The following PTP4A1 variants were observed in gnomAD, a reference collection of about 807,000 sequenced individuals.
The protein encoded by PTP4A1 is protein tyrosine phosphatase 4A1.
A neutral mutation model predicts 20.5 loss-of-function variants in PTP4A1; 9 were observed. That is an observed-to-expected ratio of 0.44 (90% CI 0.26 to 0.77). PTP4A1 has a LOEUF of 0.77. Ranked by LOEUF, PTP4A1 falls within the 30% of genes least tolerant of loss-of-function variation. The pLI is 0.19. For missense variants in PTP4A1, 137 were observed against 218.8 expected, an observed-to-expected ratio of 0.63 and a Z score of 2.36; for synonymous variants, 78 against 67.4, an observed-to-expected ratio of 1.16 and a Z score of -0.77.
At chr6:63,535,688 G>C (rs1775687296) in intron 2 of PTP4A1, among the ~76,000 whole-genome samples, 2 of 152,160 alleles carry the variant, frequency 1.3e-5, no homozygotes, top group Non-Finnish European at 2.9e-5. Flanking sequence ...ATTTATAGTA[G>C]TTTTGATGAG....
chr6:63,548,555 T>A (rs1408981263), intron 2 of PTP4A1, among the ~76,000 whole-genome samples: 1 of 152,128 alleles, frequency 6.6e-6, no homozygotes, highest in Admixed American at 6.5e-5. Context: ...CTTCTATTCC[T>A]CTCTCCAAGC....
At chr6:63,524,877 A>G (rs188470514) in intron 1 of PTP4A1, among the ~76,000 whole-genome samples, 3 of 152,344 alleles carry the variant, frequency 2.0e-5, no homozygotes, top group East Asian at 3.9e-4. Context: ...CACAATGGAC[A>G]AATTTTTAAA....
upstream of PTP4A1, among the ~76,000 whole-genome samples, chr6:63,520,901 C>T (rs1289127514): frequency 6.6e-6 from 1 of 151,934 alleles, no homozygotes; most frequent in African/African-American, 2.4e-5. Flanking sequence ...TACTATGCAG[C>T]CATAAAAAAG....
chr6:63,565,146 A>G (rs1202587780), intron 3 of PTP4A1, among the ~76,000 whole-genome samples: 1 of 152,036 alleles, frequency 6.6e-6, no homozygotes, highest in Non-Finnish European at 1.5e-5. Flanking sequence ...CGAGGGAGCT[A>G]CAACTACAGG....
In PTP4A1 at chr6:63,581,899, A is replaced by G. The variant is rs140927727; in HGVS notation, c.*1725A>G. ...TGTTAAGTTTCCTTTAATGATCCAC[A>G]ATAATCCCTTTGATCACGTTAATCT... is the stretch of plus-strand genomic sequence containing the variant. On this transcript the variant is annotated 3_prime_UTR_variant, in exon 6 of 6. Coordinates refer to ENST00000626021, the MANE Select transcript of PTP4A1 (RefSeq NM_003463.5). 106 of 152,300 alleles carry G rather than the reference A, an allele frequency of 7.0e-4. 2 individuals are homozygous for G. In the East Asian group the frequency reaches 0.019, roughly 27 times the overall value. The allele number at this position is 152,300 out of a possible 1,614,324, so 9.4% of individuals were successfully genotyped here. A position where few individuals can be genotyped will look rare whatever the true frequency, so the allele number is the denominator to read the frequency against.
intron 3 of PTP4A1, among the ~76,000 whole-genome samples, chr6:63,553,454 C>T (rs942026313): frequency 1.3e-5 from 2 of 152,180 alleles, no homozygotes; most frequent in Non-Finnish European, 2.9e-5. Flanking sequence ...TAACCAGTTA[C>T]ATGGGTGGCC....
chr6:63,566,000 T>C (rs1777175217), intron 3 of PTP4A1, among the ~76,000 whole-genome samples: 1 of 152,242 alleles, frequency 6.6e-6, no homozygotes. Flanking sequence ...AAACAGGTAT[T>C]ACAATAAAGG....
At position 63,530,738 on chromosome 6, in the gene PTP4A1, G is replaced by C. The variant is rs115670859; in HGVS notation, c.-640+2654G>C. On this transcript the variant is annotated intron_variant, in intron 2 of 3. Transcript: ENST00000639568. ...GAAGTACATCAAAATGAAATTTCTA[G>C]AGGCATACCTGAATTCATTTTTTCT... is the stretch of plus-strand genomic sequence containing the variant. 1.7e-3 allele frequency among the ~76,000 whole-genome samples: 254 copies of C among 152,260 alleles called. 1 individual carries two copies. The highest frequency in any genetic ancestry group is 5.9e-3 in the African/African-American group (245 of 41,564).
chr6:63,536,598 G>C (rs1467723230), intron 2 of PTP4A1, among the ~76,000 whole-genome samples: 1 of 152,120 alleles, frequency 6.6e-6, no homozygotes, highest in African/African-American at 2.4e-5. Context: ...TTTTAAAATT[G>C]ATGTATGACT....
chr6:63,531,707 G>T (rs1775474903), intron 2 of PTP4A1, among the ~76,000 whole-genome samples: 1 of 151,842 alleles, frequency 6.6e-6, no homozygotes, highest in African/African-American at 2.4e-5. Context: ...GCCCAGGCTG[G>T]TCTTAACTAC....
chr6:63,538,466 T>C (rs904441689), intron 2 of PTP4A1, among the ~76,000 whole-genome samples: 8 of 152,330 alleles, frequency 5.3e-5, no homozygotes, highest in Middle Eastern at 3.4e-3. Context: ...ATTAGATTAG[T>C]TTAATTTGAA....
Position 63,549,516 on chromosome 6 carries a change from G to A in PTP4A1, c.-639-784G>A, listed in dbSNP as rs141994269. On this transcript the variant is annotated intron_variant, in intron 2 of 3. Transcript: ENST00000639568. ...CTTCTTTCCTTTCGGCAGGAGGAGA[G>A]AGCCTGATTTAATTATTTTTAAAGG... is the stretch of plus-strand genomic sequence containing the variant. 1.3e-4 allele frequency: 89 copies of A among 684,180 alleles called. No individual in the cohort carries two copies. The Middle Eastern group carries it at 2.0e-3, about 15-fold the overall frequency. The allele number at this position is 684,180 out of a possible 1,614,324, so 42.4% of individuals were successfully genotyped here. A position where few individuals can be genotyped will look rare whatever the true frequency, so the allele number is the denominator to read the frequency against.
chr6:63,580,255 T>C lies in PTP4A1; in HGVS notation c.*81T>C. 8.7e-7 allele frequency: 1 copy of C among 1,153,062 alleles called. No homozygotes were observed. The allele number at this position is 1,153,062 out of a possible 1,614,324, so 71.4% of individuals were successfully genotyped here. On this transcript the variant is annotated 3_prime_UTR_variant, in exon 6 of 6. Transcript: ENST00000626021. ...ATACATATTAGCCAACATGTTGGCT[T>C]AGTAAGTCTAATGAAGCTTCCATAG...
chr6:63,557,528 T>A (rs1450269934), intron 3 of PTP4A1, among the ~76,000 whole-genome samples: 1 of 152,162 alleles, frequency 6.6e-6, no homozygotes, highest in Non-Finnish European at 1.5e-5. Context: ...ATCGCACCAC[T>A]ACACTCCAGC....
At chr6:63,543,679 C>T (rs1776071594) in intron 2 of PTP4A1, among the ~76,000 whole-genome samples, 1 of 152,080 alleles carries the variant, frequency 6.6e-6, no homozygotes, top group African/African-American at 2.4e-5. Context: ...GTCAAGAGCC[C>T]AATATTTGAG....
chr6:63,558,858 T>G (rs924444792), intron 3 of PTP4A1, among the ~76,000 whole-genome samples: 1 of 151,990 alleles, frequency 6.6e-6, no homozygotes, highest in African/African-American at 2.4e-5. Flanking sequence ...AAGAAAGAAA[T>G]AAAGATATGG....
At chr6:63,573,316 C>G (rs903181136) in intron 1 of PTP4A1, 1 of 152,240 alleles carries the variant, frequency 6.6e-6, no homozygotes, top group Non-Finnish European at 1.5e-5. Flanking sequence ...GTAGGCCGGA[C>G]AGCCAGGCAC....
chr6:63,568,382 C>G (rs1194390951), upstream of PTP4A1, among the ~76,000 whole-genome samples: 3 of 152,144 alleles, frequency 2.0e-5, no homozygotes, highest in African/African-American at 7.2e-5. Flanking sequence ...GAGGGACTGG[C>G]CCATCAGCGG....
At chr6:63,521,893 G>A (rs973935218) in intron 1 of PTP4A1, 5 of 152,136 alleles carry the variant, frequency 3.3e-5, no homozygotes, top group Non-Finnish European at 7.4e-5. Context: ...AGAACAATGG[G>A]AATCTTATAA....
Sources: gnomAD v4.1 joint callset for allele counts (sites outside exome capture counted in the v4.1 genomes callset) on GRCh38, gnomAD v4.1.1 for gene constraint, MANE v1.5 for transcripts, NCBI Gene and HGNC (gene_info 2026-07-23, HGNC 2026-07-21) for gene names.